The following ADGRF5 variants were observed in gnomAD, a reference collection of about 807,000 sequenced individuals.
ADGRF5 encodes the protein adhesion G protein-coupled receptor F5, also known as G-protein coupled receptor 116.
In ADGRF5, 75 loss-of-function variants were observed where a neutral mutation model predicts 132.3. The ratio of observed to expected loss-of-function variants is 0.57; its 90% CI spans 0.47 to 0.69. The LOEUF (loss-of-function observed/expected upper bound fraction) is 0.69, where lower values mean the gene tolerates loss of function less well. Among genes scored for constraint, ADGRF5 ranks in the 30% least tolerant of loss-of-function variants. The pLI is 0.00. For synonymous variants in ADGRF5, 629 were observed against 597.6 expected (o/e 1.05, Z -0.77); for missense variants, 1,516 against 1,630.6 (o/e 0.93, Z 1.21).
Position 46,858,759 on chromosome 6 carries a change from A to G in ADGRF5, c.3144T>C (p.Tyr1048=), listed in dbSNP as rs1769353005. The G allele has an allele frequency of 2.5e-6, 4 of 1,614,078 alleles. No homozygotes were observed. Among genetic ancestry groups the G allele is most frequent in the Non-Finnish European group, 2.5e-6 (3 of 1,179,994 alleles). The change falls in exon 17 of 21, where the codon TAT becomes TAC. Residue 1048 remains tyrosine (Y), a synonymous_variant. Coordinates refer to ENST00000283296, the MANE Select transcript of ADGRF5 (RefSeq NM_001098518.2). ...WKSVTKNRTS[Y]MRHTCIVNIA... ...TATTCACTATGCAGGTGTGGCGCAT[A>G]TAAGAAGTCCGGTTCTTGGTCACCG... is the stretch of plus-strand genomic sequence containing the variant.
chr6:46,895,308 G>C (rs1264310858), intron 3 of ADGRF5, among the ~76,000 whole-genome samples: 1 of 151,938 alleles, frequency 6.6e-6, no homozygotes, highest in African/African-American at 2.4e-5. Flanking sequence ...TAAATGTCAA[G>C]CTTAAAACCA....
At chr6:46,901,178 G>A (rs1165650373) in intron 2 of ADGRF5, among the ~76,000 whole-genome samples, 2 of 152,078 alleles carry the variant, frequency 1.3e-5, no homozygotes, top group Non-Finnish European at 2.9e-5. Flanking sequence ...TTAAAGAATA[G>A]GCATTGATCA....
intron 2 of ADGRF5, among the ~76,000 whole-genome samples, chr6:46,902,379 C>T (rs1269175186): frequency 3.9e-5 from 6 of 152,194 alleles, no homozygotes; most frequent in Non-Finnish European, 8.8e-5. Flanking sequence ...TCTCCCAGGT[C>T]GAGTTTTCAT....
intron 1 of ADGRF5, among the ~76,000 whole-genome samples, chr6:46,932,001 C>CTATG (rs1777577985): frequency 6.6e-6 from 1 of 152,160 alleles, no homozygotes; most frequent in Non-Finnish European, 1.5e-5. Flanking sequence ...TTGGTGAAGG[C>CTATG]TATGCAAGCC....
intron 1 of ADGRF5, among the ~76,000 whole-genome samples, chr6:46,953,685 A>ATATATC (rs1554131448): frequency 1.5e-4 from 19 of 126,950 alleles, no homozygotes; most frequent in South Asian, 5.2e-4. Flanking sequence ...ATATATATAT[A>ATATATC]TATATCTCAC....
chr6:46,874,139 C>T (rs1297423059), intron 10 of ADGRF5, among the ~76,000 whole-genome samples: 2 of 152,174 alleles, frequency 1.3e-5, no homozygotes, highest in East Asian at 1.9e-4. Flanking sequence ...CCTTTAAAAC[C>T]TTACCATTGC....
intron 10 of ADGRF5, among the ~76,000 whole-genome samples, chr6:46,877,736 T>C (rs220669): frequency 0.35 from 53,456 of 151,666 alleles, 11,583 homozygotes; most frequent in East Asian, 0.53. Flanking sequence ...GGCACAGAGA[T>C]AGAAAATATT....
chr6:46,936,708 T>A (rs1233634060), intron 1 of ADGRF5, among the ~76,000 whole-genome samples: 1 of 152,168 alleles, frequency 6.6e-6, no homozygotes, highest in Non-Finnish European at 1.5e-5. Context: ...ACCCTCCAGG[T>A]CCATCTTTGC....
Position 46,884,144 on chromosome 6 carries a change from A to T in ADGRF5, c.456T>A (p.Ser152Arg). The T allele has an allele frequency of 6.2e-7, 1 of 1,614,144 alleles. No homozygotes were observed. The highest frequency in any genetic ancestry group is 1.1e-5 in the South Asian group (1 of 91,082). ...CATTGGGAGGCAGTTCTTTAAGGCA[A>T]CTGCAATGGTGCCCTGGGAGGAAGA... is the stretch of plus-strand genomic sequence containing the variant. The part of the protein sequence containing the change: ...RDVFLPGHHC[S>R]CLKELPPNGP... Residue 152 changes from serine to arginine, a missense_variant, in exon 5 of 21, where the codon AGT (serine) becomes AGA (arginine). Coordinates refer to ENST00000283296, the MANE Select transcript of ADGRF5 (RefSeq NM_001098518.2).
At position 46,914,682 on chromosome 6, in the gene ADGRF5, T is replaced by C. The variant is rs371025197; in HGVS notation, c.-25+7031A>G. ...GCTTTAAGCAAAAGATTGCCATCTATGTGAAAACATTGAGTTCCTAACTGC... is the reference window on the plus strand; with the variant it reads ...GCTTTAAGCAAAAGATTGCCATCTACGTGAAAACATTGAGTTCCTAACTGC... On this transcript the variant is annotated intron_variant, in intron 1 of 20. Coordinates refer to ENST00000283296, the MANE Select transcript of ADGRF5 (RefSeq NM_001098518.2). 7.2e-5 allele frequency among the ~76,000 whole-genome samples: 11 copies of C among 151,942 alleles called. No homozygotes were observed. The South Asian group carries it at 1.7e-3, about 23-fold the overall frequency.
At chr6:46,879,306 G>A (rs1045580382) in intron 9 of ADGRF5, among the ~76,000 whole-genome samples, 1 of 148,918 alleles carries the variant, frequency 6.7e-6, no homozygotes, top group Non-Finnish European at 1.5e-5. Context: ...ATTTGGCTCT[G>A]TGTCCCCTCC....
chr6:46,929,959 T>C (rs963719914), intron 1 of ADGRF5, among the ~76,000 whole-genome samples: 22 of 152,256 alleles, frequency 1.4e-4, no homozygotes, highest in Admixed American at 5.2e-4. Flanking sequence ...TAGCTGGGAT[T>C]ACAGGCACTC....
chr6:46,854,455 CA>C (rs1768807176), intron 20 of ADGRF5, among the ~76,000 whole-genome samples: 1 of 152,030 alleles, frequency 6.6e-6, no homozygotes, highest in African/African-American at 2.4e-5. Context: ...TCTTGGGAGG[CA>C]CCTAGAGGCT....
chr6:46,852,771 A>G lies in ADGRF5; in HGVS notation c.*1221T>C, dbSNP rs1250335302. The G allele has an allele frequency of 1.3e-5, 2 of 152,000 alleles. No homozygotes were observed. The highest frequency in any genetic ancestry group is 4.8e-5 in the African/African-American group (2 of 41,246). The allele number at this position is 152,000 out of a possible 1,614,324, so 9.4% of individuals were successfully genotyped here. ...TAAAATTTCTTTCCAGGAGCTTTCC[A>G]CGTGGTTGGAATAAACACAATTTAG... On this transcript the variant is annotated 3_prime_UTR_variant, in exon 21 of 21. Transcript: ENST00000283296.
rs1581766330 is a variant in ADGRF5, at chr6:46,868,751, G to A, written c.1621+132C>T. On this transcript the variant is annotated intron_variant, in intron 12 of 20. Transcript: ENST00000283296. ...TTCCCTCAAAGGAATGTTGCGTTAA[G>A]TGTGAAGACATATTGAATTTAAAGT... 5.0e-5 allele frequency: 32 copies of A among 638,276 alleles called. No homozygotes were observed. In the East Asian group the frequency reaches 8.1e-4, roughly 16 times the overall value. The allele number at this position is 638,276 out of a possible 1,614,324, so 39.5% of individuals were successfully genotyped here. A position where few individuals can be genotyped will look rare whatever the true frequency, so the allele number is the denominator to read the frequency against.
At chr6:46,901,892 C>T (rs1774807715) in intron 2 of ADGRF5, among the ~76,000 whole-genome samples, 1 of 152,128 alleles carries the variant, frequency 6.6e-6, no homozygotes, top group African/African-American at 2.4e-5. Context: ...CAGATGTCCG[C>T]AATTTACCAC....
chr6:46,855,280 A>C (rs878996147), intron 20 of ADGRF5, among the ~76,000 whole-genome samples: 1 of 152,204 alleles, frequency 6.6e-6, no homozygotes, highest in Admixed American at 6.5e-5. Context: ...CACTACCACT[A>C]TCGGCGTCAT....
intron 9 of ADGRF5, among the ~76,000 whole-genome samples, chr6:46,879,042 A>G (rs1015660963): frequency 6.6e-6 from 1 of 152,164 alleles, no homozygotes; most frequent in African/African-American, 2.4e-5. Flanking sequence ...CACTCTCTTG[A>G]TTGTAGTAAT....
upstream of ADGRF5, among the ~76,000 whole-genome samples, chr6:46,925,549 G>T (rs1777204827): frequency 1.2e-5 from 1 of 86,900 alleles, no homozygotes; most frequent in Non-Finnish European, 2.5e-5. Flanking sequence ...TTGAGGTCAG[G>T]AGTTCGAAAC....
Sources: allele counts gnomAD v4.1 joint callset (sites outside exome capture counted in the v4.1 genomes callset), GRCh38; gene constraint gnomAD v4.1.1; transcripts MANE v1.5; gene names NCBI Gene and HGNC (gene_info 2026-07-23, HGNC 2026-07-21).